The following PTPRO variants were observed in gnomAD, a reference collection of about 807,000 sequenced individuals.
PTPRO encodes receptor-type tyrosine-protein phosphatase O.
A neutral mutation model predicts 145.2 loss-of-function variants in PTPRO; 62 were observed. That is an observed-to-expected ratio of 0.43 (90% confidence interval 0.35 to 0.53). The LOEUF is 0.53. Ranked by LOEUF, PTPRO falls within the 20% of genes least tolerant of loss-of-function variation. The pLI, the probability that PTPRO is intolerant of heterozygous loss-of-function variation, is 0.01. For missense variants in PTPRO, 1,345 were observed against 1,482.7 expected (o/e 0.91, Z 1.53); for synonymous variants, 565 against 514.7 (o/e 1.10, Z -1.32).
intron 1 of PTPRO, among the ~76,000 whole-genome samples, chr12:15,359,048 T>G (rs1435644901): frequency 6.6e-6 from 1 of 152,238 alleles, no homozygotes; most frequent in Non-Finnish European, 1.5e-5. Context: ...GAATTTGGTC[T>G]AATTCTGTAA....
chr12:15,542,138 T>C (rs186871517), intron 12 of PTPRO, among the ~76,000 whole-genome samples: 131 of 152,326 alleles, frequency 8.6e-4, no homozygotes, highest in Non-Finnish European at 1.5e-3. Flanking sequence ...GATGTCATTG[T>C]ATTCCCTATC....
intron 1 of PTPRO, among the ~76,000 whole-genome samples, chr12:15,445,281 T>C (rs1461440689): frequency 1.3e-5 from 2 of 152,166 alleles, no homozygotes; most frequent in African/African-American, 4.8e-5. Context: ...ATATTTCTTT[T>C]ATCTAAATAT....
At chr12:15,383,296 A>G (rs1330943639) in intron 1 of PTPRO, among the ~76,000 whole-genome samples, 4 of 152,174 alleles carry the variant, frequency 2.6e-5, no homozygotes. Flanking sequence ...AAATGGCAGA[A>G]CTTTCTTCTT....
chr12:15,386,967 A>C (rs1274714953), intron 1 of PTPRO, among the ~76,000 whole-genome samples: 1 of 152,218 alleles, frequency 6.6e-6, no homozygotes, highest in Non-Finnish European at 1.5e-5. Flanking sequence ...TATTAGTGAC[A>C]TCTGATATTA....
intron 15 of PTPRO, among the ~76,000 whole-genome samples, chr12:15,556,398 G>T (rs184521919): frequency 2.6e-5 from 4 of 151,536 alleles, no homozygotes; most frequent in East Asian, 1.9e-4. Flanking sequence ...CATTAATTCC[G>T]TATAAAGAAA....
In PTPRO at chr12:15,501,913, A is replaced by T; in HGVS notation, c.955A>T (p.Met319Leu). The change falls in exon 5 of 27, where the codon ATG becomes TTG. Residue 319 changes from methionine to leucine, a missense_variant. Met to Leu is a conservative substitution (Grantham distance 15). Coordinates refer to ENST00000281171, the MANE Select transcript of PTPRO (RefSeq NM_030667.3). ...SEDEFVSVLPMEYENNSTLSE... is the reference protein window; with the variant it reads ...SEDEFVSVLPLEYENNSTLSE... ...AGATGAATTTGTCAGCGTACTTCCC[A>T]TGGAATACGAAAATAACAGTACACT... The T allele has an allele frequency of 6.2e-7, 1 of 1,614,052 alleles. No individual in the cohort carries two copies. Among genetic ancestry groups the T allele is most frequent in the Non-Finnish European group, 8.5e-7 (1 of 1,179,976 alleles).
At chr12:15,481,643 G>C (rs569594436) in intron 1 of PTPRO, among the ~76,000 whole-genome samples, 1 of 152,234 alleles carries the variant, frequency 6.6e-6, no homozygotes, top group East Asian at 1.9e-4. Flanking sequence ...CCCGACCTTA[G>C]AGTACTTATG....
At chr12:15,419,382 G>T (rs1940070355) in intron 1 of PTPRO, among the ~76,000 whole-genome samples, 1 of 151,560 alleles carries the variant, frequency 6.6e-6, no homozygotes, top group Admixed American at 6.6e-5. Flanking sequence ...TGTCAGAAAA[G>T]AGTGCAAGCC....
At chr12:15,529,597 C>CTGTG (rs1417696830) in intron 12 of PTPRO, among the ~76,000 whole-genome samples, 1 of 152,146 alleles carries the variant, frequency 6.6e-6, no homozygotes, top group East Asian at 1.9e-4. Flanking sequence ...GAGCTGTGAG[C>CTGTG]TGTGATTGTA....
At chr12:15,595,156 C>G in intron 26 of PTPRO, 99 bp downstream of exon 26, 2 of 789,426 alleles carry the variant, frequency 2.5e-6, no homozygotes. Context: ...TTTGTATTGA[C>G]TCTGACTTCA....
intron 17 of PTPRO, 151 bp downstream of exon 17, chr12:15,560,427 C>G: frequency 1.5e-6 from 1 of 674,416 alleles, no homozygotes. Context: ...AAAGCAGTTA[C>G]CGGTACAAAG....
intron 12 of PTPRO, among the ~76,000 whole-genome samples, chr12:15,527,661 G>T (rs546796055): frequency 6.6e-6 from 1 of 152,150 alleles, no homozygotes; most frequent in Admixed American, 6.5e-5. Flanking sequence ...TTCTTTTTCA[G>T]GACAGGCAGA....
At chr12:15,487,473 C>T (rs925897167) in intron 2 of PTPRO, among the ~76,000 whole-genome samples, 4 of 152,176 alleles carry the variant, frequency 2.6e-5, no homozygotes, top group Non-Finnish European at 5.9e-5. Flanking sequence ...CTCCACAATA[C>T]ATTAAGGCTT....
intron 1 of PTPRO, among the ~76,000 whole-genome samples, chr12:15,387,926 T>C (rs1390559792): frequency 6.6e-6 from 1 of 152,226 alleles, no homozygotes; most frequent in African/African-American, 2.4e-5. Context: ...TTGGTTCTTA[T>C]AGAGACTAGA....
chr12:15,541,597 G>A (rs1452151363), intron 12 of PTPRO, among the ~76,000 whole-genome samples: 13 of 152,132 alleles, frequency 8.5e-5, no homozygotes, highest in East Asian at 3.8e-4. Context: ...GTCCTCACAC[G>A]GTCTTTTCTT....
chr12:15,519,166 T>C (rs1942660896), intron 9 of PTPRO, among the ~76,000 whole-genome samples: 1 of 152,206 alleles, frequency 6.6e-6, no homozygotes, highest in Non-Finnish European at 1.5e-5. Context: ...ATGTCTTACA[T>C]GGATGGCACC....
rs769497379 is a variant in PTPRO at position 15,551,632 on chromosome 12, C to A, written c.2519C>A (p.Thr840Asn). Reference protein sequence around the residue: ...STLLIGLLLVTLIILRKKHLQ... With the variant: ...STLLIGLLLVNLIILRKKHLQ... ...CTTTTAATTGGACTGTTGCTTGTTACCCTCATTATTCTTAGGAAAAAGCAT... is the reference window on the plus strand; with the variant it reads ...CTTTTAATTGGACTGTTGCTTGTTAACCTCATTATTCTTAGGAAAAAGCAT... The change falls in exon 15 of 27, where the codon ACC becomes AAC. Residue 840 changes from threonine (T) to asparagine (N), a missense_variant. Physicochemically the swap from Thr to Asn is moderately conservative, Grantham distance 65. This residue lies in a region of PTPRO where 1,130 missense variants were observed against 1,214.7 expected (regional missense o/e 0.93). Coordinates refer to ENST00000281171, the MANE Select transcript of PTPRO (RefSeq NM_030667.3). 15 of 1,613,570 alleles carry A rather than the reference C, an allele frequency of 9.3e-6. No homozygotes were observed. The South Asian group carries it at 1.6e-4, about 18-fold the overall frequency.
At chr12:15,368,458 T>G (rs751566367) in intron 1 of PTPRO, among the ~76,000 whole-genome samples, 3 of 152,210 alleles carry the variant, frequency 2.0e-5, no homozygotes. Context: ...CATAATTGAT[T>G]GATTGATTGA....
At chr12:15,582,246 C>T (rs1399430452) in intron 23 of PTPRO, among the ~76,000 whole-genome samples, 1 of 152,216 alleles carries the variant, frequency 6.6e-6, no homozygotes, top group African/African-American at 2.4e-5. Flanking sequence ...GCATCAAGGC[C>T]ATCACGAGCA....
Sources: allele counts gnomAD v4.1 joint callset (sites outside exome capture counted in the v4.1 genomes callset), GRCh38; gene constraint gnomAD v4.1.1; regional missense constraint gnomAD v4.1.1; transcripts MANE v1.5; gene names NCBI Gene and HGNC (gene_info 2026-07-23, HGNC 2026-07-21).